The following CDKN2A variants were observed in gnomAD, a reference collection of about 807,000 sequenced individuals.
The protein encoded by CDKN2A is cyclin-dependent kinase inhibitor 2A.
A neutral mutation model predicts 11.1 loss-of-function variants in CDKN2A; 3 were observed. That is an observed-to-expected ratio of 0.27 (90% CI 0.12 to 0.70). CDKN2A has a LOEUF of 0.70. Ranked by LOEUF, CDKN2A falls within the 30% of genes least tolerant of loss-of-function variation. The pLI is 0.77. For missense variants in CDKN2A, 265 were observed against 233.6 expected (o/e 1.13, Z -0.88); for synonymous variants, 122 against 108.1 (o/e 1.13, Z -0.80).
Position 21,968,139 on chromosome 9 carries a change from G to C in CDKN2A, c.*90C>G. On this transcript the variant is annotated 3_prime_UTR_variant, in exon 3 of 3. Transcript: ENST00000304494. The surrounding 1 kb of genome is among the most constrained non-coding windows in gnomAD (Gnocchi z 4.7). ...AAATGAAAACTACGAAAGCGGGGTG[G>C]GTTGTGGCGGGGGCAGTTGTGGCCC... The C allele has an allele frequency of 9.2e-7, 1 of 1,084,418 alleles. No homozygotes were observed. Among genetic ancestry groups the C allele is most frequent in the Non-Finnish European group, 1.4e-6 (1 of 696,374 alleles). The allele number at this position is 1,084,418 out of a possible 1,614,324, so 67.2% of individuals were successfully genotyped here.
rs149518509 is a variant in CDKN2A, at chr9:21,985,795, T to A, written c.-4+8087A>T. The stretch of plus-strand genomic sequence containing the variant: ...AGATGTGAATTTAAAAGTATGCAAA[T>A]TTACACTGATTTTACCTAACACCTT... On this transcript the variant is annotated intron_variant, in intron 2 of 3. Transcript: ENST00000494262. 7.2e-5 allele frequency among the ~76,000 whole-genome samples: 11 copies of A among 152,058 alleles called. No individual in the cohort carries two copies. The East Asian group carries it at 2.1e-3, about 29-fold the overall frequency.
chr9:21,976,051 A>G (rs977602826), upstream of CDKN2A, among the ~76,000 whole-genome samples: 1 of 152,162 alleles, frequency 6.6e-6, no homozygotes, highest in Non-Finnish European at 1.5e-5. Flanking sequence ...CGCTTTGAGG[A>G]CTGGCTTGCA....
At position 21,968,548 on chromosome 9, in the gene CDKN2A, A is replaced by AT. The variant is rs1819523842; in HGVS notation, c.458-307dup. 1 of 1,456,892 alleles carries AT rather than the reference A, an allele frequency of 6.9e-7. No homozygotes were observed. The highest frequency in any genetic ancestry group is 2.6e-5 in the Admixed American group (1 of 38,528). 90.2% of individuals were successfully genotyped at this position (1,456,892 alleles called of 1,614,324 possible). The stretch of plus-strand genomic sequence containing the variant: ...GGGTTGCAAGAAGAAAACGAGTGTT[A>AT]TATAATGAGTCTCAGTGGTTGCTCA... On this transcript the variant is annotated intron_variant, in intron 2 of 2. Coordinates refer to ENST00000304494, the MANE Select transcript of CDKN2A (RefSeq NM_000077.5). This position sits in a 1 kb window ranked among gnomAD's most constrained non-coding sequence, Gnocchi z 4.7.
chr9:21,975,064 C>T (rs566533797), upstream of CDKN2A: 17 of 1,331,802 alleles, frequency 1.3e-5, no homozygotes, highest in Admixed American at 2.3e-4. Flanking sequence ...GAGCACTTAG[C>T]GAATGTGGCA....
chr9:21,971,767 A>T (rs968002798), intron 1 of CDKN2A, among the ~76,000 whole-genome samples: 2 of 152,130 alleles, frequency 1.3e-5, no homozygotes, highest in East Asian at 3.9e-4. Flanking sequence ...GGGATAGTAC[A>T]GTTGTATATA....
chr9:21,990,555 C>A (rs1286789556), intron 2 of CDKN2A, among the ~76,000 whole-genome samples: 1 of 146,288 alleles, frequency 6.8e-6, no homozygotes, highest in Non-Finnish European at 1.5e-5. Flanking sequence ...AAATAAATAT[C>A]ACCAAACTTT....
At position 21,968,683 on chromosome 9, in the gene CDKN2A, G is replaced by T. The variant is rs1481511871; in HGVS notation, c.458-441C>A. On this transcript the variant is annotated intron_variant, in intron 2 of 2. Coordinates refer to ENST00000304494, the MANE Select transcript of CDKN2A (RefSeq NM_000077.5). The surrounding 1 kb of genome is among the most constrained non-coding windows in gnomAD (Gnocchi z 4.7). ...AGCCAGCTTGCGATAACCAAAGGGC[G>T]CCTCAGGCTCTGGCGCTCCTCGGCG... 5 of 1,535,894 alleles carry T rather than the reference G, an allele frequency of 3.3e-6. No homozygotes were observed. Among genetic ancestry groups the T allele is most frequent in the Non-Finnish European group, 4.4e-6 (5 of 1,146,824 alleles).
At chr9:21,975,070 T>G (rs1819983448), upstream of CDKN2A, 1 of 1,328,056 alleles carries the variant, frequency 7.5e-7, no homozygotes, top group African/African-American at 1.6e-5. Flanking sequence ...TTAGCGAATG[T>G]GGCACCCCTG....
chr9:21,987,457 A>T (rs1820329937), intron 2 of CDKN2A, among the ~76,000 whole-genome samples: 1 of 144,236 alleles, frequency 6.9e-6, no homozygotes, highest in Non-Finnish European at 1.5e-5. Context: ...AGAGAGAGAG[A>T]TCCATTCATC....
chr9:21,978,766 CA>C (rs1312386988), upstream of CDKN2A, among the ~76,000 whole-genome samples: 2 of 152,118 alleles, frequency 1.3e-5, no homozygotes, highest in East Asian at 3.8e-4. Flanking sequence ...AAACTAAGGG[CA>C]GACATGGGGT....
Position 21,974,728 on chromosome 9 carries a change from C to A in CDKN2A, c.100G>T (p.Ala34Ser), listed in dbSNP as rs1554656349. 6.2e-7 allele frequency: 1 copy of A among 1,613,038 alleles called. No homozygotes were observed. ...TTCGGTGCGTTGGGCAGCGCCCCCG[C>A]CTCCAGCAGCGCCCGCACCTCCTCT... Reference protein sequence around the residue: ...RVEEVRALLEAGALPNAPNSY... With the variant: ...RVEEVRALLESGALPNAPNSY... The change falls in exon 1 of 3, where the codon GCG becomes TCG. Residue 34 changes from alanine to serine, a missense_variant. Ala to Ser is a moderately conservative substitution (Grantham distance 99, BLOSUM62 1). Coordinates refer to ENST00000304494, the MANE Select transcript of CDKN2A (RefSeq NM_000077.5). The surrounding 1 kb of genome is among the most constrained non-coding windows in gnomAD (Gnocchi z 5.2).
At chr9:21,981,022 G>A (rs1314968321) in intron 2 of CDKN2A, among the ~76,000 whole-genome samples, 1 of 48,814 alleles carries the variant, frequency 2.0e-5, no homozygotes, top group African/African-American at 7.2e-5. Flanking sequence ...ATATATATAC[G>A]TGTATATATA....
At chr9:21,974,885 C>A (rs2131114882), upstream of CDKN2A, 1 of 1,467,410 alleles carries the variant, frequency 6.8e-7, no homozygotes. This position sits in a 1 kb window ranked among gnomAD's most constrained non-coding sequence, Gnocchi z 5.2. Context: ...CGAGCGCACG[C>A]GGTCCGCCCC....
chr9:21,979,676 C>T (rs186777388), upstream of CDKN2A, among the ~76,000 whole-genome samples: 4 of 152,048 alleles, frequency 2.6e-5, no homozygotes, highest in Non-Finnish European at 2.9e-5. Context: ...ATAAGATGGT[C>T]GGTTAGGAAG....
In CDKN2A at chr9:21,995,037, T is replaced by A. The variant is rs567984214; in HGVS notation, c.-392A>T. 9.2e-5 allele frequency: 14 copies of A among 152,368 alleles called. No homozygotes were observed. The highest frequency in any genetic ancestry group is 3.4e-4 in the African/African-American group (14 of 41,592). 9.4% of individuals were successfully genotyped at this position (152,368 alleles called of 1,614,324 possible). Reference sequence around the variant, plus strand: ...AGTTTTGAACTAAAAGCCGCTCCGCTCCTCTTCTAGATTTGGAAAACAAGC... The same window carrying A: ...AGTTTTGAACTAAAAGCCGCTCCGCACCTCTTCTAGATTTGGAAAACAAGC... On this transcript the variant is annotated 5_prime_UTR_variant, in exon 1 of 4. Transcript: ENST00000494262. This position sits in a 1 kb window ranked among gnomAD's most constrained non-coding sequence, Gnocchi z 5.7.
At chr9:21,974,986 G>A (rs2092166719), upstream of CDKN2A, 2 of 1,391,450 alleles carry the variant, frequency 1.4e-6, no homozygotes. The surrounding 1 kb of genome is among the most constrained non-coding windows in gnomAD (Gnocchi z 5.2). Flanking sequence ...TCCTCTGGAG[G>A]GACCGCGGTA....
At chr9:21,974,878 G>A (rs1252226482), upstream of CDKN2A, 3 of 1,473,920 alleles carry the variant, frequency 2.0e-6, no homozygotes, top group Non-Finnish European at 2.7e-6. This position sits in a 1 kb window ranked among gnomAD's most constrained non-coding sequence, Gnocchi z 5.2. Context: ...CAGCCGCCGA[G>A]CGCACGCGGT....
intron 2 of CDKN2A, among the ~76,000 whole-genome samples, chr9:21,981,480 T>C (rs1297361424): frequency 6.6e-6 from 1 of 151,918 alleles, no homozygotes; most frequent in Non-Finnish European, 1.5e-5. Context: ...AGTTCTAGAA[T>C]AGGATGTTGG....
At position 21,993,900 on chromosome 9, in the gene CDKN2A, T is replaced by G. The variant is rs984938664; in HGVS notation, c.-22A>C. On this transcript the variant is annotated 5_prime_UTR_variant, in exon 2 of 4. Coordinates refer to the CDKN2A transcript ENST00000494262. ...GACTCACTGACTTCTGAGGTGGGTTTAGAAGCTCTGTTCGCCTCAGTTTCC... is the reference window on the plus strand; with the variant it reads ...GACTCACTGACTTCTGAGGTGGGTTGAGAAGCTCTGTTCGCCTCAGTTTCC... The G allele has an allele frequency of 6.8e-6, 4 of 587,058 alleles. No individual in the cohort carries two copies. In the African/African-American group the frequency reaches 7.5e-5, roughly 11 times the overall value. 36.4% of individuals were successfully genotyped at this position (587,058 alleles called of 1,614,324 possible). A position where few individuals can be genotyped will look rare whatever the true frequency, so the allele number is the denominator to read the frequency against.
Sources: allele counts gnomAD v4.1 joint callset (sites outside exome capture counted in the v4.1 genomes callset), GRCh38; gene constraint gnomAD v4.1.1; non-coding constraint Gnocchi (gnomAD v3.1); transcripts MANE v1.5; gene names NCBI Gene and HGNC (gene_info 2026-07-23, HGNC 2026-07-21).